Variants in UBA2 observed in about 807,000 individuals in gnomAD.
UBA2 encodes ubiquitin like modifier activating enzyme 2, also known as SUMO-activating enzyme subunit 2.
A neutral mutation model predicts 77.2 loss-of-function variants in UBA2; 11 were observed. The ratio of observed to expected loss-of-function variants is 0.14; its 90% CI spans 0.09 to 0.24. The LOEUF is 0.24. Among genes scored for constraint, UBA2 ranks in the 10% least tolerant of loss-of-function variants. The pLI, the probability that UBA2 is intolerant of heterozygous loss-of-function variation, is 1.00. For synonymous variants in UBA2, 278 were observed against 276.7 expected (o/e 1.00, Z -0.05); for missense variants, 487 against 781.7 (o/e 0.62, Z 4.50).
At chr19:34,457,447 G>T (rs1441595305) in intron 12 of UBA2, among the ~76,000 whole-genome samples, 1 of 151,856 alleles carries the variant, frequency 6.6e-6, no homozygotes, top group African/African-American at 2.4e-5. Flanking sequence ...TGTTAGCCCA[G>T]GTATTAATAG....
chr19:34,443,973 T>C lies in UBA2; in HGVS notation c.649+62T>C, dbSNP rs2075397816. 1.6e-5 allele frequency: 20 copies of C among 1,244,114 alleles called. No homozygotes were observed. The Admixed American group carries it at 3.4e-4, about 21-fold the overall frequency. The allele number at this position is 1,244,114 out of a possible 1,614,324, so 77.1% of individuals were successfully genotyped here. A position where few individuals can be genotyped will look rare whatever the true frequency, so the allele number is the denominator to read the frequency against. ...TATTATCTTTATTTTGTTGATTTAA[T>C]TTTGGTAGCTTAAGGGAAAAAAATT... On this transcript the variant is annotated intron_variant, in intron 7 of 16. Coordinates refer to ENST00000246548, the MANE Select transcript of UBA2 (RefSeq NM_005499.3).
chr19:34,457,179 A>ATATAT (rs1555730726), intron 12 of UBA2, among the ~76,000 whole-genome samples: 2,028 of 52,778 alleles, frequency 0.038, 37 homozygotes, highest in African/African-American at 0.061. Flanking sequence ...AAAAAAAAAA[A>ATATAT]ATATATATAT....
At chr19:34,430,290 G>C (rs974669994) in intron 1 of UBA2, 2 of 283,122 alleles carry the variant, frequency 7.1e-6, no homozygotes, top group Non-Finnish European at 1.3e-5. Flanking sequence ...TATTTTTATG[G>C]CATCCAGGGA....
chr19:34,463,130 A>G (rs1157200231), intron 14 of UBA2, among the ~76,000 whole-genome samples: 1 of 151,858 alleles, frequency 6.6e-6, no homozygotes, highest in East Asian at 1.9e-4. Context: ...TTAGTTAGGC[A>G]TGGTGGTGCA....
chr19:34,464,538 A>G (rs1300207190), intron 15 of UBA2, among the ~76,000 whole-genome samples: 2 of 150,288 alleles, frequency 1.3e-5, no homozygotes, highest in African/African-American at 4.9e-5. Flanking sequence ...AACCTGGGAG[A>G]CAGAGTGAGA....
intron 7 of UBA2, 39 bp downstream of exon 7, chr19:34,443,950 T>C (rs1232186497): frequency 7.2e-7 from 1 of 1,395,748 alleles, no homozygotes; most frequent in South Asian, 1.2e-5. Context: ...TCAGATACTA[T>C]TATCTTTATT....
Position 34,466,781 on chromosome 19 carries a change from G to A in UBA2, c.1605-97G>A, listed in dbSNP as rs549281107. 664 of 983,170 alleles carry A rather than the reference G, an allele frequency of 6.8e-4. 1 individual carries two copies. Among genetic ancestry groups the A allele is most frequent in the Non-Finnish European group, 9.6e-4 (623 of 651,762 alleles). The allele number at this position is 983,170 out of a possible 1,614,324, so 60.9% of individuals were successfully genotyped here. On this transcript the variant is annotated intron_variant, in intron 15 of 16. Coordinates refer to ENST00000246548, the MANE Select transcript of UBA2 (RefSeq NM_005499.3). ...AAAAATTAGAATCCACATATTTGGT[G>A]TATACATAGTGTATGCTTTGAGGAA...
At chr19:34,437,606 C>T (rs1004382813) in intron 5 of UBA2, among the ~76,000 whole-genome samples, 1 of 151,876 alleles carries the variant, frequency 6.6e-6, no homozygotes. Flanking sequence ...GAAATTCCGT[C>T]TCAGACAAAA....
intron 8 of UBA2, among the ~76,000 whole-genome samples, 156 bp from the exon 9 acceptor site, chr19:34,450,109 C>T (rs922527963): frequency 1.3e-5 from 2 of 152,138 alleles, no homozygotes; most frequent in African/African-American, 4.8e-5. Context: ...CTTCCTTTTA[C>T]AAATGTTTTT....
rs112681972 is a variant in UBA2 at position 34,456,619 on chromosome 19, G to A, written c.1245+2063G>A. ...GTCACCCAGGCTAGAGTGCAGTGGC[G>A]CGATCTCAGCTCACTGCAACCTCCA... is the stretch of plus-strand genomic sequence containing the variant. On this transcript the variant is annotated intron_variant, in intron 12 of 16. Coordinates refer to ENST00000246548, the MANE Select transcript of UBA2 (RefSeq NM_005499.3). Among the ~76,000 whole-genome samples the A allele has an allele frequency of 8.1e-3, 1,219 of 151,384 alleles. 8 individuals are homozygous for A. Among genetic ancestry groups the A allele is most frequent in the African/African-American group, 0.028 (1,135 of 41,214 alleles).
At chr19:34,457,177 AAAATATATATATAT>A (rs1204614960) in intron 12 of UBA2, among the ~76,000 whole-genome samples, 15 of 68,506 alleles carry the variant, frequency 2.2e-4, no homozygotes, top group African/African-American at 5.0e-4. Flanking sequence ...AAAAAAAAAA[AAAATATATATATAT>A]ATATATATAT....
intron 6 of UBA2, among the ~76,000 whole-genome samples, chr19:34,438,997 G>A (rs572761021): frequency 1.3e-5 from 2 of 152,004 alleles, no homozygotes; most frequent in African/African-American, 2.4e-5. Context: ...TCACCTGAGC[G>A]CAGGAGTTTG....
Position 34,428,582 on chromosome 19 carries a change from G to C in UBA2, c.138+12G>C, listed in dbSNP as rs775752073. The C allele has an allele frequency of 7.7e-7, 1 of 1,305,916 alleles. No individual in the cohort carries two copies. Among genetic ancestry groups the C allele is most frequent in the African/African-American group, 1.5e-5 (1 of 66,162 alleles). The allele number at this position is 1,305,916 out of a possible 1,614,324, so 80.9% of individuals were successfully genotyped here. On this transcript the variant is annotated intron_variant, in intron 1 of 16. Coordinates refer to ENST00000246548, the MANE Select transcript of UBA2 (RefSeq NM_005499.3). ...CCCACATCGACCTGGTGAGGGCCGGGCGCGCGCGCGTGAATGGCGGGCTGT... is the reference window on the plus strand; with the variant it reads ...CCCACATCGACCTGGTGAGGGCCGGCCGCGCGCGCGTGAATGGCGGGCTGT...
In UBA2 at chr19:34,428,581, G is replaced by GGCGC. The variant is rs757441495; in HGVS notation, c.138+19_138+22dup. On this transcript the variant is annotated intron_variant, in intron 1 of 16. Coordinates refer to ENST00000246548, the MANE Select transcript of UBA2 (RefSeq NM_005499.3). ...TCCCACATCGACCTGGTGAGGGCCGGGCGCGCGCGCGTGAATGGCGGGCTG... is the reference window on the plus strand; with the variant it reads ...TCCCACATCGACCTGGTGAGGGCCGGGCGCGCGCGCGCGCGTGAATGGCGGGCTG... The GGCGC allele has an allele frequency of 7.6e-7, 1 of 1,307,332 alleles. No individual in the cohort carries two copies. 81.0% of individuals were successfully genotyped at this position (1,307,332 alleles called of 1,614,324 possible). A position where few individuals can be genotyped will look rare whatever the true frequency, so the allele number is the denominator to read the frequency against.
rs1288880388 is a variant in UBA2, at chr19:34,470,427, T to C, written c.*1206T>C. ...TACTCAGGAGGCTGAGGCAGGAGGA[T>C]GGCTGGAGCCCAGAAGTTCAAGGCC... On this transcript the variant is annotated 3_prime_UTR_variant, in exon 17 of 17. Coordinates refer to ENST00000246548, the MANE Select transcript of UBA2 (RefSeq NM_005499.3). 2.0e-5 allele frequency: 3 copies of C among 152,240 alleles called. No individual in the cohort carries two copies. Among genetic ancestry groups the C allele is most frequent in the African/African-American group, 7.2e-5 (3 of 41,452 alleles). 9.4% of individuals were successfully genotyped at this position (152,240 alleles called of 1,614,324 possible).
At chr19:34,448,188 G>C (rs1022930531) in intron 8 of UBA2, among the ~76,000 whole-genome samples, 2 of 152,136 alleles carry the variant, frequency 1.3e-5, no homozygotes, top group Non-Finnish European at 2.9e-5. Flanking sequence ...AGTGCCCCTG[G>C]AGTTGTGCAG....
At chr19:34,428,732 G>T in intron 1 of UBA2, 162 bp downstream of exon 1, 1 of 1,153,600 alleles carries the variant, frequency 8.7e-7, no homozygotes, top group Non-Finnish European at 1.1e-6. Flanking sequence ...CCCCCCCGCG[G>T]GAGGAGACTG....
chr19:34,467,341 G>T (rs150809044), intron 16 of UBA2, among the ~76,000 whole-genome samples: 28 of 151,842 alleles, frequency 1.8e-4, no homozygotes, highest in Middle Eastern at 6.8e-3. Flanking sequence ...GCATGGTAGC[G>T]TGTACCTGTA....
At chr19:34,432,171 C>A in intron 3 of UBA2, 1 of 318,026 alleles carries the variant, frequency 3.1e-6, no homozygotes, top group Non-Finnish European at 5.7e-6. Context: ...TTTATAAAGA[C>A]CTTATATGCT....
Sources: allele counts gnomAD v4.1 joint callset (sites outside exome capture counted in the v4.1 genomes callset), GRCh38; gene constraint gnomAD v4.1.1; transcripts MANE v1.5; gene names NCBI Gene and HGNC (gene_info 2026-07-23, HGNC 2026-07-21).